Variants in GLCCI1 observed in about 807,000 individuals in gnomAD.
GLCCI1 encodes the protein glucocorticoid induced 1, also known as glucocorticoid-induced transcript 1 protein.
GLCCI1 carries 24 observed loss-of-function variants against 52.2 expected under a neutral mutation model. That is an observed-to-expected ratio of 0.46 (90% confidence interval 0.33 to 0.65). The LOEUF (loss-of-function observed/expected upper bound fraction) is 0.65, where lower values mean the gene tolerates loss of function less well. Among genes scored for constraint, GLCCI1 ranks in the 30% least tolerant of loss-of-function variants. The pLI is 0.02. For missense variants in GLCCI1, 704 were observed against 701.5 expected, an observed-to-expected ratio of 1.00 and a Z score of -0.04; for synonymous variants, 310 against 276.5, an observed-to-expected ratio of 1.12 and a Z score of -1.20.
At position 7,981,731 on chromosome 7, in the gene GLCCI1, G is replaced by A. The variant is rs141091377; in HGVS notation, c.457+11924G>A. The A allele has an allele frequency of 7.3e-4, 205 of 281,758 alleles. 1 individual carries two copies. Among genetic ancestry groups the A allele is most frequent in the Middle Eastern group, 2.7e-3 (2 of 746 alleles). 17.5% of individuals were successfully genotyped at this position (281,758 alleles called of 1,614,324 possible). A position where few individuals can be genotyped will look rare whatever the true frequency, so the allele number is the denominator to read the frequency against. Reference sequence around the variant, plus strand: ...GTCTGTTACAAAGGTTAAATGGAAGGAAAAAGTGGGAAATACACCAAGAGT... The same window carrying A: ...GTCTGTTACAAAGGTTAAATGGAAGAAAAAAGTGGGAAATACACCAAGAGT... On this transcript the variant is annotated intron_variant, in intron 1 of 7. Coordinates refer to ENST00000223145, the MANE Select transcript of GLCCI1 (RefSeq NM_138426.4).
At chr7:7,984,305 T>C (rs1780678496) in intron 1 of GLCCI1, among the ~76,000 whole-genome samples, 1 of 152,122 alleles carries the variant, frequency 6.6e-6, no homozygotes, top group South Asian at 2.1e-4. Flanking sequence ...AGGAATCCTC[T>C]CACCTTGGGC....
chr7:7,981,278 TTCTTTCTC>T (rs1354930937), intron 1 of GLCCI1: 3 of 251,270 alleles, frequency 1.2e-5, no homozygotes, highest in African/African-American at 2.4e-5. Flanking sequence ...CTTTCTTTCT[TTCTTTCTC>T]TCTCCCTCTT....
At chr7:7,982,129 A>G (rs1315617244) in intron 1 of GLCCI1, 8 of 395,488 alleles carry the variant, frequency 2.0e-5, no homozygotes, top group Non-Finnish European at 2.0e-5. Context: ...ATAGTCACAA[A>G]TCCAAATACC....
intron 3 of GLCCI1, among the ~76,000 whole-genome samples, chr7:8,053,179 T>A (rs1284504023): frequency 6.6e-6 from 1 of 151,996 alleles, no homozygotes; most frequent in Non-Finnish European, 1.5e-5. Context: ...CTTCATTTAA[T>A]TGCATAAATG....
chr7:7,970,634 G>C (rs1238186801), intron 1 of GLCCI1: 4 of 152,868 alleles, frequency 2.6e-5, no homozygotes, highest in Admixed American at 6.5e-5. Flanking sequence ...CAAAGGTAAT[G>C]GTGAGCTGGT....
In GLCCI1 at chr7:8,023,588, C is replaced by CTTTTTT. The variant is rs571726894; in HGVS notation, c.696+1042_696+1047dup. 2.7e-3 allele frequency among the ~76,000 whole-genome samples: 113 copies of CTTTTTT among 41,984 alleles called. 23 individuals carry two copies. Among genetic ancestry groups the CTTTTTT allele is most frequent in the African/African-American group, 4.0e-3 (39 of 9,802 alleles). The allele number at this position is 41,984 out of a possible 152,430, so 27.5% of individuals were successfully genotyped here. A position where few individuals can be genotyped will look rare whatever the true frequency, so the allele number is the denominator to read the frequency against. ...AGATGGTCATCTAATCTCTGTTATT[C>CTTTTTT]TTTTTTTTTTTTTTTTTTTTTTTTT... On this transcript the variant is annotated intron_variant, in intron 3 of 7. Transcript: ENST00000223145.
chr7:8,053,323 T>TTG (rs1554262343), intron 3 of GLCCI1, among the ~76,000 whole-genome samples: 136 of 136,170 alleles, frequency 1.0e-3, no homozygotes, highest in African/African-American at 3.7e-3. Context: ...TCGTTTTTTT[T>TTG]TTTGTTTGTT....
chr7:8,072,549 C>T (rs753585103), intron 6 of GLCCI1, among the ~76,000 whole-genome samples: 20 of 152,186 alleles, frequency 1.3e-4, no homozygotes, highest in Non-Finnish European at 2.5e-4. Flanking sequence ...CACTTCCTCA[C>T]AACCTTTTAA....
At chr7:8,056,087 C>T (rs1040509535) in intron 4 of GLCCI1, among the ~76,000 whole-genome samples, 8 of 151,828 alleles carry the variant, frequency 5.3e-5, no homozygotes, top group African/African-American at 1.9e-4. Context: ...CACTTGAGGT[C>T]AGGAGTTCGA....
intron 6 of GLCCI1, among the ~76,000 whole-genome samples, chr7:8,079,261 C>T (rs1488155544): frequency 7.7e-6 from 1 of 130,128 alleles, no homozygotes; most frequent in African/African-American, 3.1e-5. Flanking sequence ...AGCAGTTTAA[C>T]ATGAACAATA....
chr7:8,074,030 G>T (rs1034805969), intron 6 of GLCCI1, among the ~76,000 whole-genome samples: 3 of 152,190 alleles, frequency 2.0e-5, no homozygotes, highest in African/African-American at 7.2e-5. Flanking sequence ...GCACACATGG[G>T]TGTGTTAGAA....
At chr7:8,071,788 C>CCCAGCTTCTTCCTTCCTAGCTACTTA (rs1782767064) in intron 6 of GLCCI1, among the ~76,000 whole-genome samples, 1 of 152,168 alleles carries the variant, frequency 6.6e-6, no homozygotes, top group African/African-American at 2.4e-5. Context: ...ATATAGACTG[C>CCCAGCTTCTTCCTTCCTAGCTACTTA]CCAGCTTCTT....
intron 1 of GLCCI1, among the ~76,000 whole-genome samples, chr7:7,984,067 GT>G (rs1410315594): frequency 6.6e-6 from 1 of 151,988 alleles, no homozygotes; most frequent in African/African-American, 2.4e-5. Context: ...CTGAATTTTT[GT>G]TTGTTTTTTT....
Position 8,037,908 on chromosome 7 carries a change from T to G in GLCCI1, c.696+15339T>G, listed in dbSNP as rs1415843652. 2.6e-5 allele frequency among the ~76,000 whole-genome samples: 4 copies of G among 152,152 alleles called. No individual in the cohort carries two copies. The East Asian group carries it at 7.7e-4, about 29-fold the overall frequency. Reference sequence around the variant, plus strand: ...TTCATAAAGCAGATACTGCTATACTTAAGAAAACAGATAGTAATACAATAA... The same window carrying G: ...TTCATAAAGCAGATACTGCTATACTGAAGAAAACAGATAGTAATACAATAA... On this transcript the variant is annotated intron_variant, in intron 3 of 7. Coordinates refer to ENST00000223145, the MANE Select transcript of GLCCI1 (RefSeq NM_138426.4).
At chr7:7,982,228 G>T in intron 1 of GLCCI1, 4 of 243,588 alleles carry the variant, frequency 1.6e-5, no homozygotes. Context: ...TCTAAGTACA[G>T]ATGAAAGATG....
At chr7:8,040,437 C>G (rs146199967) in intron 3 of GLCCI1, among the ~76,000 whole-genome samples, 20 of 151,648 alleles carry the variant, frequency 1.3e-4, no homozygotes, top group Non-Finnish European at 2.5e-4. Context: ...AGTGGACTAT[C>G]TATGATCATG....
intron 1 of GLCCI1, among the ~76,000 whole-genome samples, chr7:7,992,103 CTG>C (rs1269791627): frequency 1.1e-4 from 13 of 118,586 alleles, no homozygotes; most frequent in Non-Finnish European, 1.9e-4. Context: ...TTCTTTCTGT[CTG>C]TTTCTCTCTC....
At chr7:8,025,994 A>G (rs1260101499) in intron 3 of GLCCI1, among the ~76,000 whole-genome samples, 1 of 152,236 alleles carries the variant, frequency 6.6e-6, no homozygotes. Flanking sequence ...AACACTGTAT[A>G]TTAGTTTGTA....
chr7:8,064,395 CAAAG>C (rs767814322), intron 5 of GLCCI1, among the ~76,000 whole-genome samples: 35 of 152,140 alleles, frequency 2.3e-4, no homozygotes, highest in Non-Finnish European at 5.0e-4. Context: ...TCGACTTTGT[CAAAG>C]AACAGATGGT....
Sources: allele counts gnomAD v4.1 joint callset (sites outside exome capture counted in the v4.1 genomes callset), GRCh38; gene constraint gnomAD v4.1.1; transcripts MANE v1.5; gene names NCBI Gene and HGNC (gene_info 2026-07-23, HGNC 2026-07-21).